GPC5: variants seen among roughly 807,000 people sequenced by gnomAD.
The protein encoded by GPC5 is glypican-5.
A neutral mutation model predicts 53.9 loss-of-function variants in GPC5; 47 were observed. That is an observed-to-expected ratio of 0.87 (90% CI 0.69 to 1.11). GPC5 has a LOEUF of 1.11. Ranked by LOEUF, GPC5 falls within the 50% of genes most tolerant of loss-of-function variation. The pLI is 0.00. For missense variants in GPC5, 748 were observed against 713.1 expected (o/e 1.05, Z -0.56); for synonymous variants, 286 against 263.3 (o/e 1.09, Z -0.84).
chr13:92,446,210 A>G (rs2139392754), intron 7 of GPC5, among the ~76,000 whole-genome samples: 1 of 151,498 alleles, frequency 6.6e-6, no homozygotes, highest in South Asian at 2.1e-4. Flanking sequence ...TTTTTACCCA[A>G]TAATTATCCC....
intron 6 of GPC5, among the ~76,000 whole-genome samples, chr13:92,058,637 G>A (rs1321929243): frequency 1.3e-5 from 2 of 152,050 alleles, no homozygotes; most frequent in African/African-American, 2.4e-5. Flanking sequence ...CCACCTCCTC[G>A]GTTCAAGCAA....
At chr13:91,908,764 G>C (rs184720564) in intron 6 of GPC5, among the ~76,000 whole-genome samples, 5 of 151,982 alleles carry the variant, frequency 3.3e-5, no homozygotes, top group African/African-American at 1.2e-4. Context: ...GGTAAGAAAG[G>C]CTATTTTTTT....
At chr13:92,074,655 C>T (rs187117969) in intron 6 of GPC5, among the ~76,000 whole-genome samples, 2 of 152,062 alleles carry the variant, frequency 1.3e-5, no homozygotes, top group African/African-American at 2.4e-5. Flanking sequence ...TATTGAGTAT[C>T]GTGAGACAAT....
rs1161391057 is a variant in GPC5 at position 91,745,990 on chromosome 13, C to T, written c.1155-10305C>T. ...AAATCTAATTTTTGTATTCTAAAGA[C>T]TTCTCTAAATATTTTGTCAAATAGA... On this transcript the variant is annotated intron_variant, in intron 4 of 7. Transcript: ENST00000377067. 7.2e-5 allele frequency among the ~76,000 whole-genome samples: 11 copies of T among 152,136 alleles called. 1 individual carries two copies. Among genetic ancestry groups the T allele is most frequent in the Admixed American group, 7.2e-4 (11 of 15,274 alleles).
intron 2 of GPC5, among the ~76,000 whole-genome samples, chr13:91,496,150 A>C (rs13379018): frequency 0.18 from 27,905 of 152,206 alleles, 2,807 homozygotes; most frequent in African/African-American, 0.26. Flanking sequence ...CAATTGCATT[A>C]TGCAAAGGAA....
intron 7 of GPC5, among the ~76,000 whole-genome samples, chr13:92,431,452 G>A: frequency 6.8e-6 from 1 of 147,948 alleles, no homozygotes; most frequent in Non-Finnish European, 1.5e-5. Context: ...TAAGATTTAG[G>A]CTAAATAGTT....
intron 5 of GPC5, among the ~76,000 whole-genome samples, chr13:91,856,559 G>A (rs1038881325): frequency 9.9e-5 from 15 of 150,970 alleles, no homozygotes; most frequent in African/African-American, 3.6e-4. Context: ...AATTAAAGAT[G>A]TTAGGTGTAG....
chr13:92,693,352 G>C (rs1887469479), intron 7 of GPC5, among the ~76,000 whole-genome samples: 1 of 152,136 alleles, frequency 6.6e-6, no homozygotes, highest in African/African-American at 2.4e-5. Context: ...AAGATAGGAG[G>C]ATGTGGGAAA....
At chr13:91,436,890 A>C (rs184997078) in intron 1 of GPC5, among the ~76,000 whole-genome samples, 2 of 152,280 alleles carry the variant, frequency 1.3e-5, no homozygotes, top group African/African-American at 4.8e-5. Flanking sequence ...GTGCATATAT[A>C]TTTAAGATAG....
At chr13:92,394,262 ACAT>A (rs1292282960) in intron 7 of GPC5, among the ~76,000 whole-genome samples, 1 of 152,188 alleles carries the variant, frequency 6.6e-6, no homozygotes, top group Non-Finnish European at 1.5e-5. Context: ...TTTCATCTAT[ACAT>A]ATTTTGTGTG....
intron 7 of GPC5, among the ~76,000 whole-genome samples, chr13:92,161,790 T>C (rs1051755143): frequency 6.6e-6 from 1 of 151,472 alleles, no homozygotes; most frequent in Non-Finnish European, 1.5e-5. Context: ...TAGATTAATA[T>C]ACAATGTCTC....
intron 7 of GPC5, among the ~76,000 whole-genome samples, chr13:92,389,817 C>G (rs1024905518): frequency 6.6e-6 from 1 of 152,142 alleles, no homozygotes; most frequent in Non-Finnish European, 1.5e-5. Context: ...TACATTTTTA[C>G]AGAAATGTAA....
intron 7 of GPC5, among the ~76,000 whole-genome samples, chr13:92,443,706 T>C (rs1877673437): frequency 6.6e-6 from 1 of 152,162 alleles, no homozygotes; most frequent in Admixed American, 6.6e-5. Flanking sequence ...ACTGCATGCA[T>C]AGCAGCGGTA....
chr13:91,478,901 ATG>A lies in GPC5; in HGVS notation c.325+29980_325+29981del, dbSNP rs1491056320. 5.0e-4 allele frequency among the ~76,000 whole-genome samples: 48 copies of A among 96,784 alleles called. 1 individual carries two copies. The highest frequency in any genetic ancestry group is 2.2e-3 in the African/African-American group (40 of 18,162). 63.5% of individuals were successfully genotyped at this position (96,784 alleles called of 152,430 possible). ...ACACATTATATATATATATATATAT[ATG>A]CACATATATATATTCTTTTTTTTTT... On this transcript the variant is annotated intron_variant, in intron 2 of 7. Coordinates refer to ENST00000377067, the MANE Select transcript of GPC5 (RefSeq NM_004466.6).
At chr13:91,741,776 G>A (rs1257189088) in intron 4 of GPC5, among the ~76,000 whole-genome samples, 1 of 152,086 alleles carries the variant, frequency 6.6e-6, no homozygotes, top group East Asian at 1.9e-4. Flanking sequence ...GAGATATACT[G>A]GACTTAATGA....
chr13:92,427,569 G>A lies in GPC5; in HGVS notation c.1561+282580G>A, dbSNP rs137985250. 2.5e-4 allele frequency among the ~76,000 whole-genome samples: 38 copies of A among 151,980 alleles called. No individual in the cohort carries two copies. The East Asian group carries it at 5.6e-3, about 22-fold the overall frequency. ...CTTCTGATAGTAATTGTAGAAAAATGTCTAATAACGGGATTAAACTTCTTG... is the reference window on the plus strand; with the variant it reads ...CTTCTGATAGTAATTGTAGAAAAATATCTAATAACGGGATTAAACTTCTTG... On this transcript the variant is annotated intron_variant, in intron 7 of 7. Transcript: ENST00000377067.
At chr13:91,787,582 C>G (rs1340486703) in intron 5 of GPC5, among the ~76,000 whole-genome samples, 1 of 152,094 alleles carries the variant, frequency 6.6e-6, no homozygotes, top group Non-Finnish European at 1.5e-5. Flanking sequence ...GAAATATGTT[C>G]TCCAACATCG....
At chr13:92,793,369 G>T (rs1277798780) in intron 7 of GPC5, among the ~76,000 whole-genome samples, 1 of 152,120 alleles carries the variant, frequency 6.6e-6, no homozygotes, top group Admixed American at 6.6e-5. Flanking sequence ...TAGAATCTCT[G>T]GGACACATTT....
At chr13:91,572,951 T>C (rs529215656) in intron 2 of GPC5, among the ~76,000 whole-genome samples, 2 of 152,260 alleles carry the variant, frequency 1.3e-5, no homozygotes, top group East Asian at 1.9e-4. Context: ...AAATCCATGG[T>C]CACAAAGGCA....
Sources: allele counts gnomAD v4.1 joint callset (sites outside exome capture counted in the v4.1 genomes callset), GRCh38; gene constraint gnomAD v4.1.1; transcripts MANE v1.5; gene names NCBI Gene and HGNC (gene_info 2026-07-23, HGNC 2026-07-21).